TMEM132D: variants seen among roughly 807,000 people sequenced by gnomAD.
TMEM132D encodes the protein mature OL transmembrane protein.
Under a neutral mutation model 62.3 loss-of-function variants are expected in TMEM132D, and 21 were observed. The ratio of observed to expected loss-of-function variants is 0.34; its 90% confidence interval spans 0.24 to 0.49. The LOEUF (loss-of-function observed/expected upper bound fraction) is 0.49. TMEM132D is among the 20% of genes least tolerant of loss of function. TMEM132D has a pLI of 0.99. For missense variants in TMEM132D, 1,346 were observed against 1,402.8 expected (o/e 0.96, Z 0.65); for synonymous variants, 621 against 575.6 (o/e 1.08, Z -1.13).
intron 4 of TMEM132D, among the ~76,000 whole-genome samples, chr12:129,330,467 G>T (rs142741748): frequency 6.6e-6 from 1 of 152,178 alleles, no homozygotes; most frequent in African/African-American, 2.4e-5. Flanking sequence ...TGACTGGGCC[G>T]TGAGGGCCCT....
chr12:129,353,884 A>C (rs1356782182), intron 3 of TMEM132D, among the ~76,000 whole-genome samples: 1 of 151,352 alleles, frequency 6.6e-6, no homozygotes, highest in Non-Finnish European at 1.5e-5. Flanking sequence ...ATTTGGAGGC[A>C]TCTCTCGGAG....
intron 5 of TMEM132D, among the ~76,000 whole-genome samples, chr12:129,116,915 C>A (rs1875908807): frequency 2.1e-5 from 1 of 47,136 alleles, no homozygotes. Context: ...CTGAAAATTT[C>A]CGCAAAAAAA....
At chr12:129,468,465 C>G (rs760869617) in intron 3 of TMEM132D, among the ~76,000 whole-genome samples, 2 of 152,196 alleles carry the variant, frequency 1.3e-5, no homozygotes, top group South Asian at 2.1e-4. Context: ...AAGGCAGCAT[C>G]TCTGCATCCA....
intron 4 of TMEM132D, among the ~76,000 whole-genome samples, chr12:129,254,272 C>CAA (rs1880345428): frequency 6.6e-6 from 1 of 152,228 alleles, no homozygotes; most frequent in Non-Finnish European, 1.5e-5. Flanking sequence ...CCCGATTACT[C>CAA]TGATTTGATC....
At chr12:129,832,225 G>A (rs1272201537) in intron 1 of TMEM132D, among the ~76,000 whole-genome samples, 1 of 151,230 alleles carries the variant, frequency 6.6e-6, no homozygotes, top group Non-Finnish European at 1.5e-5. Flanking sequence ...GAAGGAACAG[G>A]AGGAAGAGAT....
chr12:129,897,854 C>A (rs1875198272), intron 1 of TMEM132D, among the ~76,000 whole-genome samples: 1 of 152,188 alleles, frequency 6.6e-6, no homozygotes, highest in South Asian at 2.1e-4. Flanking sequence ...CCCTGGCAAG[C>A]CTGGCACCAT....
chr12:129,801,663 C>T (rs1305254503), intron 1 of TMEM132D, among the ~76,000 whole-genome samples: 1 of 151,842 alleles, frequency 6.6e-6, no homozygotes, highest in Admixed American at 6.6e-5. Context: ...AGTTCCTCAC[C>T]AGCAACGGAA....
At chr12:129,690,992 A>G (rs1309243499) in intron 2 of TMEM132D, among the ~76,000 whole-genome samples, 1 of 152,130 alleles carries the variant, frequency 6.6e-6, no homozygotes, top group Non-Finnish European at 1.5e-5. Flanking sequence ...TATTTTCTCA[A>G]GCCACAGTAG....
chr12:129,091,356 T>A (rs933744510), intron 5 of TMEM132D, among the ~76,000 whole-genome samples: 2 of 151,970 alleles, frequency 1.3e-5, no homozygotes, highest in Admixed American at 1.3e-4. Flanking sequence ...ACCTGGGCTC[T>A]GGGGACCCTT....
At chr12:129,470,493 T>A (rs1226065179) in intron 3 of TMEM132D, among the ~76,000 whole-genome samples, 1 of 152,182 alleles carries the variant, frequency 6.6e-6, no homozygotes, top group African/African-American at 2.4e-5. Flanking sequence ...GTTTCCTGAT[T>A]TACTTCATCC....
chr12:129,381,380 AC>A (rs1870946288), intron 3 of TMEM132D, among the ~76,000 whole-genome samples: 1 of 152,224 alleles, frequency 6.6e-6, no homozygotes, highest in African/African-American at 2.4e-5. Context: ...CTTTGAGAAT[AC>A]TGGAAAACAC....
chr12:129,679,576 CT>C (rs1175013836), intron 2 of TMEM132D, among the ~76,000 whole-genome samples: 1 of 151,746 alleles, frequency 6.6e-6, no homozygotes, highest in Non-Finnish European at 1.5e-5. Context: ...ATCCCTTTGC[CT>C]TTTTGCTTAA....
rs117400799 is a variant in TMEM132D, at chr12:129,287,971, G to A, written c.1299+49663C>T. Among the ~76,000 whole-genome samples, 1,142 of 152,246 alleles carry A rather than the reference G, an allele frequency of 7.5e-3. 30 individuals carry two copies. The highest frequency in any genetic ancestry group is 0.048 in the Admixed American group (737 of 15,298). ...TAGCGTTGTAATATATTTCAAAATCGGGAAGTGTGATGCCTCTAGCTTTGT... is the reference window on the plus strand; with the variant it reads ...TAGCGTTGTAATATATTTCAAAATCAGGAAGTGTGATGCCTCTAGCTTTGT... On this transcript the variant is annotated intron_variant, in intron 4 of 8. Transcript: ENST00000422113.
chr12:129,741,356 A>T (rs1200657644), intron 1 of TMEM132D, among the ~76,000 whole-genome samples: 1 of 152,204 alleles, frequency 6.6e-6, no homozygotes, highest in Non-Finnish European at 1.5e-5. Context: ...TGGACGTGTT[A>T]ATCTATGAAA....
intron 2 of TMEM132D, among the ~76,000 whole-genome samples, chr12:129,651,194 T>G (rs1879918853): frequency 6.6e-6 from 1 of 152,152 alleles, no homozygotes; most frequent in African/African-American, 2.4e-5. Context: ...CTCTCTCCCA[T>G]CCAGCAAAGC....
intron 1 of TMEM132D, among the ~76,000 whole-genome samples, chr12:129,874,929 G>A (rs532141295): frequency 9.2e-4 from 140 of 152,158 alleles, no homozygotes; most frequent in Non-Finnish European, 3.5e-4. Context: ...TGCTCACCTC[G>A]GCCTCCCAAA....
chr12:129,770,044 T>C (rs1870685041), intron 1 of TMEM132D, among the ~76,000 whole-genome samples: 1 of 151,794 alleles, frequency 6.6e-6, no homozygotes, highest in Non-Finnish European at 1.5e-5. Flanking sequence ...GGTCTCGAAC[T>C]CCTGGGCTCA....
intron 1 of TMEM132D, among the ~76,000 whole-genome samples, chr12:129,898,282 C>T (rs1875216623): frequency 6.6e-6 from 1 of 152,070 alleles, no homozygotes. Flanking sequence ...GTATTGAGCC[C>T]CTGCAATGTC....
chr12:129,842,961 T>G (rs1234769354), intron 1 of TMEM132D, among the ~76,000 whole-genome samples: 25 of 152,216 alleles, frequency 1.6e-4, no homozygotes. Context: ...GATAAAATAT[T>G]TTATTATTGA....
Sources: gnomAD v4.1 joint callset for allele counts (sites outside exome capture counted in the v4.1 genomes callset) on GRCh38, gnomAD v4.1.1 for gene constraint, MANE v1.5 for transcripts, NCBI Gene and HGNC (gene_info 2026-07-23, HGNC 2026-07-21) for gene names.